Variants in ENTPD3 observed in about 807,000 individuals in gnomAD.
The protein encoded by ENTPD3 is CD39 antigen-like 3.
ENTPD3 carries 60 observed loss-of-function variants against 51.2 expected under a neutral mutation model. That is an observed-to-expected ratio of 1.17 (90% CI 0.95 to 1.45). ENTPD3 has a LOEUF of 1.45. ENTPD3 is among the 40% of genes most tolerant of loss of function. ENTPD3 has a pLI of 0.00. For missense variants in ENTPD3, 593 were observed against 641.1 expected, an observed-to-expected ratio of 0.93 and a Z score of 0.81; for synonymous variants, 221 against 238.4, an observed-to-expected ratio of 0.93 and a Z score of 0.67.
At chr3:40,387,919 C>A in intron 1 of ENTPD3, 127 bp from the exon 2 acceptor site, 1 of 688,540 alleles carries the variant, frequency 1.5e-6, no homozygotes, top group Non-Finnish European at 2.5e-6. Flanking sequence ...GTTCGGCTTA[C>A]CTTTCCCGGG....
chr3:40,415,992 C>T lies in ENTPD3; in HGVS notation c.750C>T (p.Tyr250=), dbSNP rs538265453. Residue 250 remains tyrosine (Y), a synonymous_variant, in exon 7 of 11, where the codon TAC becomes TAT. Coordinates refer to ENST00000301825, the MANE Select transcript of ENTPD3 (RefSeq NM_001248.4). ...SDIMQVSLYG[Y]VYTLYTHSFQ... ...TCATGCAGGTGTCCCTGTATGGCTA[C>T]GTATACACGCTCTACACACACAGCT... 6.8e-6 allele frequency: 11 copies of T among 1,613,750 alleles called. 1 individual carries two copies. The highest frequency in any genetic ancestry group is 2.2e-5 in the East Asian group (1 of 44,828).
chr3:40,388,240 C>T (rs1017637087), intron 2 of ENTPD3, 143 bp downstream of exon 2: 2 of 711,048 alleles, frequency 2.8e-6, no homozygotes, highest in African/African-American at 1.8e-5. Context: ...AGCTGGGTTT[C>T]AACACCGGCA....
At chr3:40,419,025 A>C (rs1955805140) in intron 7 of ENTPD3, among the ~76,000 whole-genome samples, 1 of 152,190 alleles carries the variant, frequency 6.6e-6, no homozygotes, top group East Asian at 1.9e-4. Context: ...CATTTACTGA[A>C]TGCCATCACT....
intron 4 of ENTPD3, among the ~76,000 whole-genome samples, chr3:40,401,294 C>G (rs1298542917): frequency 6.6e-6 from 1 of 152,192 alleles, no homozygotes; most frequent in Non-Finnish European, 1.5e-5. Context: ...GCCATATTTT[C>G]ATGGGTGCTG....
chr3:40,390,203 CTAT>C (rs936068801), intron 2 of ENTPD3, among the ~76,000 whole-genome samples: 3 of 152,042 alleles, frequency 2.0e-5, no homozygotes, highest in Non-Finnish European at 4.4e-5. Context: ...TTTACCAAGA[CTAT>C]TATTATTATT....
chr3:40,392,298 G>A (rs1575206969), intron 3 of ENTPD3, 148 bp downstream of exon 3: 3 of 886,550 alleles, frequency 3.4e-6, no homozygotes, highest in East Asian at 2.7e-5. Context: ...AGACGCAAGG[G>A]AGAAGGTCTG....
chr3:40,407,250 G>C (rs1011071588), intron 4 of ENTPD3, among the ~76,000 whole-genome samples: 5 of 151,982 alleles, frequency 3.3e-5, no homozygotes, highest in African/African-American at 1.2e-4. Flanking sequence ...TAGACTTGTG[G>C]GTCATATGGT....
At chr3:40,415,545 C>T (rs1315596061) in intron 6 of ENTPD3, among the ~76,000 whole-genome samples, 1 of 152,176 alleles carries the variant, frequency 6.6e-6, no homozygotes, top group Non-Finnish European at 1.5e-5. Context: ...GACTCACATT[C>T]CTGCACGGTA....
At position 40,411,887 on chromosome 3, in the gene ENTPD3, A is replaced by G. The variant is rs199826788; in HGVS notation, c.362A>G (p.Lys121Arg). Residue 121 changes from lysine to arginine, a missense_variant, in exon 5 of 11, where the codon AAG (lysine) becomes AGG (arginine). Transcript: ENST00000301825. ...RAFEECMQKV[K>R]GQVPSHLHGS... ...TTTGAGGAGTGTATGCAAAAAGTCA[A>G]GGGGCAGGTTCCATCCCACCTCCAC... 2 of 1,612,884 alleles carry G rather than the reference A, an allele frequency of 1.2e-6. No individual in the cohort carries two copies. The highest frequency in any genetic ancestry group is 1.7e-6 in the Non-Finnish European group (2 of 1,179,500).
rs775322652 is a variant in ENTPD3, at chr3:40,402,111, C to CTTTTTTTTT, written c.286+1103_286+1111dup. 7.6e-4 allele frequency among the ~76,000 whole-genome samples: 74 copies of CTTTTTTTTT among 97,252 alleles called. 5 individuals are homozygous for CTTTTTTTTT. Among genetic ancestry groups the CTTTTTTTTT allele is most frequent in the East Asian group, 2.6e-3 (9 of 3,424 alleles). The allele number at this position is 97,252 out of a possible 152,430, so 63.8% of individuals were successfully genotyped here. A position where few individuals can be genotyped will look rare whatever the true frequency, so the allele number is the denominator to read the frequency against. On this transcript the variant is annotated intron_variant, in intron 4 of 10. Transcript: ENST00000301825. ...GTAACTATCTTGTTCATTTCCTTTC[C>CTTTTTTTTT]TTTTTTTTTTTCTTTTTTTTTTTTT...
intron 9 of ENTPD3, 122 bp from the exon 10 acceptor site, chr3:40,423,704 A>G (rs1284570345): frequency 9.0e-7 from 1 of 1,107,340 alleles, no homozygotes; most frequent in Admixed American, 2.3e-5. Flanking sequence ...ATTGTATTAT[A>G]AAGTATTTTC....
At chr3:40,427,228 T>A (rs1319563279) in intron 10 of ENTPD3, 44 bp from the exon 11 acceptor site, 2 of 1,501,380 alleles carry the variant, frequency 1.3e-6, no homozygotes, top group Non-Finnish European at 1.9e-6. Context: ...GATTGCAGCC[T>A]TGAGCCTTGC....
rs1483518569 is a variant in ENTPD3 at position 40,388,585 on chromosome 3, G to GAGAC, written c.40+489_40+490insGACA. On this transcript the variant is annotated intron_variant, in intron 2 of 10. Coordinates refer to ENST00000301825, the MANE Select transcript of ENTPD3 (RefSeq NM_001248.4). ...TCACACTGGAAGGCACACACACACA[G>GAGAC]ACACACACACACACACACACACACA... Among the ~76,000 whole-genome samples, 60 of 126,282 alleles carry GAGAC rather than the reference G, an allele frequency of 4.8e-4. No homozygotes were observed. The East Asian group carries it at 0.016, about 34-fold the overall frequency. 82.8% of individuals were successfully genotyped at this position (126,282 alleles called of 152,430 possible).
chr3:40,426,107 C>CTTTTTTTTTTT (rs35267876), intron 10 of ENTPD3, among the ~76,000 whole-genome samples: 103 of 112,422 alleles, frequency 9.2e-4, no homozygotes, highest in Non-Finnish European at 1.1e-3. Context: ...TTTTTCTTTT[C>CTTTTTTTTTTT]TTTTTTTTTT....
chr3:40,415,421 T>A (rs1414266154), intron 6 of ENTPD3, among the ~76,000 whole-genome samples: 1 of 152,176 alleles, frequency 6.6e-6, no homozygotes, highest in Non-Finnish European at 1.5e-5. Context: ...GTATTTTAAA[T>A]TTTTAAATAA....
chr3:40,412,048 T>C (rs1486412109), intron 5 of ENTPD3, 86 bp downstream of exon 5: 1 of 1,323,838 alleles, frequency 7.6e-7, no homozygotes. Flanking sequence ...ACTCTATTTC[T>C]GGGAACAACC....
rs186875223 is a variant in ENTPD3, at chr3:40,402,276, G to A, written c.286+1265G>A. 4.6e-5 allele frequency among the ~76,000 whole-genome samples: 7 copies of A among 151,472 alleles called. No homozygotes were observed. In the East Asian group the frequency reaches 5.8e-4, roughly 13 times the overall value. On this transcript the variant is annotated intron_variant, in intron 4 of 10. Coordinates refer to ENST00000301825, the MANE Select transcript of ENTPD3 (RefSeq NM_001248.4). Reference sequence around the variant, plus strand: ...CGGGATTACAGGTGCCTGCCACCACGCCTGGCTAATTTTTGTATTTTTAGT... The same window carrying A: ...CGGGATTACAGGTGCCTGCCACCACACCTGGCTAATTTTTGTATTTTTAGT...
chr3:40,427,198 G>C, intron 10 of ENTPD3, 74 bp from the exon 11 acceptor site: 1 of 1,198,760 alleles, frequency 8.3e-7, no homozygotes, highest in Non-Finnish European at 1.2e-6. Flanking sequence ...GAGGTTGATA[G>C]CAGTATGACT....
At chr3:40,426,486 T>C (rs1162438753) in intron 10 of ENTPD3, among the ~76,000 whole-genome samples, 1 of 151,946 alleles carries the variant, frequency 6.6e-6, no homozygotes, top group African/African-American at 2.4e-5. Flanking sequence ...AAGTAAGATA[T>C]TAGAAAGAAG....
Sources: allele counts gnomAD v4.1 joint callset (sites outside exome capture counted in the v4.1 genomes callset), GRCh38; gene constraint gnomAD v4.1.1; transcripts MANE v1.5; gene names NCBI Gene and HGNC (gene_info 2026-07-23, HGNC 2026-07-21).